The following RIT2 variants were observed in gnomAD, a reference collection of about 807,000 sequenced individuals.
RIT2 encodes the protein GTP-binding protein Rit2.
RIT2 carries 24 observed loss-of-function variants against 23.7 expected under a neutral mutation model. The ratio of observed to expected loss-of-function variants is 1.01; its 90% CI spans 0.73 to 1.43. The LOEUF (loss-of-function observed/expected upper bound fraction) is 1.43. RIT2 is among the 40% of genes most tolerant of loss of function. RIT2 has a pLI of 0.00. For missense variants in RIT2, 236 were observed against 266.9 expected (o/e 0.88, Z 0.81); for synonymous variants, 107 against 91.1 (o/e 1.17, Z -0.99).
rs143152525 is a variant in RIT2, at chr18:42,907,016, C to T, written c.426+16556G>A. Reference sequence around the variant, plus strand: ...TGTTCTGTGGGGTCATTATCTCAAACTTATTGTTTTGCTTATACCTCCCTC... The same window carrying T: ...TGTTCTGTGGGGTCATTATCTCAAATTTATTGTTTTGCTTATACCTCCCTC... On this transcript the variant is annotated intron_variant, in intron 4 of 4. Coordinates refer to ENST00000326695, the MANE Select transcript of RIT2 (RefSeq NM_002930.4). Among the ~76,000 whole-genome samples, 532 of 152,204 alleles carry T rather than the reference C, an allele frequency of 3.5e-3. 4 individuals carry two copies. The highest frequency in any genetic ancestry group is 6.6e-3 in the South Asian group (32 of 4,816).
chr18:42,783,599 G>C (rs1319812169), intron 4 of RIT2, among the ~76,000 whole-genome samples: 1 of 151,900 alleles, frequency 6.6e-6, no homozygotes, highest in Admixed American at 6.6e-5. Context: ...AGGACACAAG[G>C]GGGCACACAG....
intron 4 of RIT2, among the ~76,000 whole-genome samples, chr18:42,908,176 T>C (rs1222185582): frequency 6.8e-6 from 1 of 146,590 alleles, no homozygotes; most frequent in East Asian, 2.0e-4. Flanking sequence ...TTCTTAATAG[T>C]AGAGTGGAAA....
intron 1 of RIT2, among the ~76,000 whole-genome samples, chr18:43,042,958 G>A (rs1912162610): frequency 6.6e-6 from 1 of 151,924 alleles, no homozygotes; most frequent in Admixed American, 6.6e-5. Flanking sequence ...TAAGAACCAT[G>A]TACCATTTTC....
At chr18:43,045,417 G>A (rs191489030) in intron 1 of RIT2, among the ~76,000 whole-genome samples, 1 of 152,226 alleles carries the variant, frequency 6.6e-6, no homozygotes, top group South Asian at 2.1e-4. Flanking sequence ...CCCTGATCCT[G>A]CAATGAAAAC....
At chr18:43,077,109 A>C (rs112936810) in intron 1 of RIT2, among the ~76,000 whole-genome samples, 1 of 116,778 alleles carries the variant, frequency 8.6e-6, no homozygotes, top group Non-Finnish European at 1.8e-5. Context: ...TCTCAAAAAA[A>C]AAAAAAAAAA....
intron 4 of RIT2, among the ~76,000 whole-genome samples, chr18:42,891,880 G>A (rs747290239): frequency 2.2e-4 from 34 of 152,064 alleles, no homozygotes; most frequent in Non-Finnish European, 3.4e-4. Context: ...TCCAATTATA[G>A]GACATGGGCT....
chr18:42,986,318 C>A (rs1242947722), intron 2 of RIT2, among the ~76,000 whole-genome samples: 6 of 151,378 alleles, frequency 4.0e-5, no homozygotes, highest in Non-Finnish European at 7.4e-5. Flanking sequence ...CGTGAGGCAC[C>A]TTGCCCGGCC....
intron 4 of RIT2, among the ~76,000 whole-genome samples, chr18:42,851,464 C>T (rs1158217001): frequency 6.6e-6 from 1 of 152,152 alleles, no homozygotes; most frequent in Admixed American, 6.5e-5. Context: ...CTCAATGTTG[C>T]CTATCACATC....
intron 1 of RIT2, among the ~76,000 whole-genome samples, chr18:43,106,159 C>T (rs541768590): frequency 4.3e-4 from 65 of 152,286 alleles, no homozygotes; most frequent in Non-Finnish European, 3.5e-4. Context: ...TGAACAGGGT[C>T]AGGTATATGC....
At chr18:42,957,613 G>A (rs1278767910) in intron 3 of RIT2, among the ~76,000 whole-genome samples, 1 of 152,058 alleles carries the variant, frequency 6.6e-6, no homozygotes, top group Non-Finnish European at 1.5e-5. Context: ...GCGAAGCTCT[G>A]TCTCTACTAA....
At chr18:42,951,344 A>G (rs1044201539) in intron 3 of RIT2, among the ~76,000 whole-genome samples, 1 of 152,026 alleles carries the variant, frequency 6.6e-6, no homozygotes, top group Non-Finnish European at 1.5e-5. Context: ...ACCAAACCAT[A>G]TGTTCTCACT....
At chr18:42,825,012 G>C (rs1906255824) in intron 4 of RIT2, among the ~76,000 whole-genome samples, 1 of 151,792 alleles carries the variant, frequency 6.6e-6, no homozygotes, top group Non-Finnish European at 1.5e-5. Context: ...GCAGGAATCT[G>C]ACATTTTGCA....
intron 4 of RIT2, among the ~76,000 whole-genome samples, chr18:42,854,413 G>A (rs569640952): frequency 6.6e-6 from 1 of 152,238 alleles, no homozygotes; most frequent in African/African-American, 2.4e-5. Flanking sequence ...TATCCAGGAA[G>A]GCAAGTGAGA....
rs1242581328 is a variant in RIT2 at position 42,892,447 on chromosome 18, G to A, written c.426+31125C>T. Reference sequence around the variant, plus strand: ...CTAAAAATAATAAACTCTGTTCTCAGAATAGCTTGATACTTCAGGGGAAAT... The same window carrying A: ...CTAAAAATAATAAACTCTGTTCTCAAAATAGCTTGATACTTCAGGGGAAAT... On this transcript the variant is annotated intron_variant, in intron 4 of 4. Coordinates refer to ENST00000326695, the MANE Select transcript of RIT2 (RefSeq NM_002930.4). Among the ~76,000 whole-genome samples, 3 of 152,294 alleles carry A rather than the reference G, an allele frequency of 2.0e-5. No individual in the cohort carries two copies. In the East Asian group the frequency reaches 5.8e-4, roughly 29 times the overall value.
chr18:43,013,897 G>A (rs1331807321), intron 2 of RIT2, among the ~76,000 whole-genome samples: 1 of 151,652 alleles, frequency 6.6e-6, no homozygotes, highest in Non-Finnish European at 1.5e-5. Flanking sequence ...CCAGCTCTAC[G>A]CTAGATACAC....
At chr18:43,060,068 C>G (rs2144321292) in intron 1 of RIT2, among the ~76,000 whole-genome samples, 1 of 152,192 alleles carries the variant, frequency 6.6e-6, no homozygotes, top group Non-Finnish European at 1.5e-5. Context: ...GACAACACAG[C>G]ATATTAACTA....
At position 42,924,124 on chromosome 18, in the gene RIT2, T is replaced by C. The variant is rs570015006; in HGVS notation, c.235-361A>G. On this transcript the variant is annotated intron_variant, in intron 3 of 4. Coordinates refer to ENST00000326695, the MANE Select transcript of RIT2 (RefSeq NM_002930.4). Reference sequence around the variant, plus strand: ...CCCTATTTATTGGAACCAATTTTCTTTTCTAGAAACATTGAAGAAAAAAAA... The same window carrying C: ...CCCTATTTATTGGAACCAATTTTCTCTTCTAGAAACATTGAAGAAAAAAAA... Among the ~76,000 whole-genome samples the C allele has an allele frequency of 2.0e-5, 3 of 152,214 alleles. No homozygotes were observed. The South Asian group carries it at 6.2e-4, about 32-fold the overall frequency.
At chr18:43,088,213 T>C (rs1913331592) in intron 1 of RIT2, among the ~76,000 whole-genome samples, 1 of 152,212 alleles carries the variant, frequency 6.6e-6, no homozygotes, top group Admixed American at 6.5e-5. Flanking sequence ...AAAATGTTAT[T>C]AAGGGACTAT....
rs367565052 is a variant in RIT2, at chr18:42,929,191, TG to T, written c.235-5429del. Among the ~76,000 whole-genome samples the T allele has an allele frequency of 9.6e-3, 1,451 of 151,828 alleles. 28 individuals carry two copies. The highest frequency in any genetic ancestry group is 0.033 in the African/African-American group (1,381 of 41,474). ...AAAACATGATCAATTATATCACTTT[TG>T]TCATCAATAATAACATATTAATTTG... On this transcript the variant is annotated intron_variant, in intron 3 of 4. Transcript: ENST00000326695.
Sources: gnomAD v4.1 joint callset for allele counts (sites outside exome capture counted in the v4.1 genomes callset) on GRCh38, gnomAD v4.1.1 for gene constraint, MANE v1.5 for transcripts, NCBI Gene and HGNC (gene_info 2026-07-23, HGNC 2026-07-21) for gene names.